The following UBE2K variants were observed in gnomAD, a reference collection of about 807,000 sequenced individuals.
The protein encoded by UBE2K is ubiquitin conjugating enzyme E2 K.
A neutral mutation model predicts 30.0 loss-of-function variants in UBE2K; 6 were observed. That is an observed-to-expected ratio of 0.20 (90% CI 0.11 to 0.39). The LOEUF is 0.39. UBE2K is among the 10% of genes least tolerant of loss of function. The pLI, the probability that UBE2K is intolerant of heterozygous loss-of-function variation, is 1.00. For synonymous variants in UBE2K, 86 were observed against 83.7 expected, an observed-to-expected ratio of 1.03 and a Z score of -0.15; for missense variants, 61 against 241.6, an observed-to-expected ratio of 0.25 and a Z score of 4.96.
intron 3 of UBE2K, among the ~76,000 whole-genome samples, chr4:39,750,287 C>G (rs1432217169): frequency 1.3e-5 from 2 of 152,190 alleles, no homozygotes; most frequent in Non-Finnish European, 2.9e-5. Context: ...GAACTCACAT[C>G]TACAATGAAG....
At chr4:39,745,431 A>C (rs1455521352) in intron 2 of UBE2K, among the ~76,000 whole-genome samples, 14 of 152,086 alleles carry the variant, frequency 9.2e-5, no homozygotes, top group African/African-American at 3.4e-4. Flanking sequence ...GGATTAGAGG[A>C]CACAGTGGAG....
chr4:39,762,476 C>A (rs1044706609), intron 4 of UBE2K, among the ~76,000 whole-genome samples: 1 of 152,172 alleles, frequency 6.6e-6, no homozygotes, highest in African/African-American at 2.4e-5. Context: ...GCTTCTGATT[C>A]TTCAGGCTGT....
At chr4:39,722,474 T>C (rs550444630) in intron 1 of UBE2K, among the ~76,000 whole-genome samples, 1 of 152,358 alleles carries the variant, frequency 6.6e-6, no homozygotes, top group African/African-American at 2.4e-5. Flanking sequence ...GTACATTTTA[T>C]GCTCTTTGCA....
intron 4 of UBE2K, chr4:39,770,232 G>T: frequency 6.2e-7 from 1 of 1,611,798 alleles, no homozygotes; most frequent in Non-Finnish European, 8.5e-7. Context: ...CTGCGCTCCC[G>T]AGTGCAGGTT....
At chr4:39,742,308 C>T (rs1225177672) in intron 2 of UBE2K, among the ~76,000 whole-genome samples, 1 of 151,982 alleles carries the variant, frequency 6.6e-6, no homozygotes, top group Admixed American at 6.6e-5. Context: ...CACAAAATTT[C>T]TTCAGGTACC....
At chr4:39,736,999 C>A (rs1463763184) in intron 1 of UBE2K, among the ~76,000 whole-genome samples, 1 of 152,036 alleles carries the variant, frequency 6.6e-6, no homozygotes, top group African/African-American at 2.4e-5. Flanking sequence ...CTTTTAATGA[C>A]CCTGAATTTT....
At chr4:39,711,760 G>A (rs1290501712) in intron 1 of UBE2K, among the ~76,000 whole-genome samples, 4 of 151,752 alleles carry the variant, frequency 2.6e-5, no homozygotes, top group African/African-American at 9.7e-5. Context: ...AGTTCTGCCC[G>A]GGAGAGGTGG....
intron 1 of UBE2K, among the ~76,000 whole-genome samples, chr4:39,701,195 G>A (rs1717989897): frequency 6.6e-6 from 1 of 152,106 alleles, no homozygotes. Flanking sequence ...TTAAATATGA[G>A]TGTGAATTTT....
intron 1 of UBE2K, among the ~76,000 whole-genome samples, chr4:39,731,362 C>A (rs1366582173): frequency 6.6e-6 from 1 of 152,098 alleles, no homozygotes. Flanking sequence ...GTTTTCATGT[C>A]ACTTCTGCTT....
chr4:39,774,078 C>T (rs1246560297), intron 4 of UBE2K, among the ~76,000 whole-genome samples: 2 of 152,142 alleles, frequency 1.3e-5, no homozygotes, highest in Non-Finnish European at 2.9e-5. Context: ...GGATGGATCA[C>T]CTGAGCTCAG....
At chr4:39,733,413 A>G (rs1314934354) in intron 1 of UBE2K, among the ~76,000 whole-genome samples, 2 of 148,058 alleles carry the variant, frequency 1.4e-5, no homozygotes, top group East Asian at 4.0e-4. Flanking sequence ...GCTCACTGCA[A>G]CCTCCACCTC....
intron 4 of UBE2K, among the ~76,000 whole-genome samples, 175 bp from the exon 5 acceptor site, chr4:39,774,659 G>A (rs1375473194): frequency 1.3e-5 from 2 of 151,936 alleles, no homozygotes; most frequent in Non-Finnish European, 2.9e-5. Flanking sequence ...AAGTAAGGAA[G>A]AAAATATATG....
At chr4:39,747,619 T>G (rs1320576928) in intron 3 of UBE2K, among the ~76,000 whole-genome samples, 1 of 152,148 alleles carries the variant, frequency 6.6e-6, no homozygotes, top group African/African-American at 2.4e-5. Context: ...TTTGTTTGTT[T>G]GTTTTTTGTT....
Position 39,698,269 on chromosome 4 carries a change from G to T in UBE2K, c.-59G>T, listed in dbSNP as rs1008698352. 1.3e-5 allele frequency: 20 copies of T among 1,544,254 alleles called. No homozygotes were observed. Among genetic ancestry groups the T allele is most frequent in the Non-Finnish European group, 1.6e-5 (18 of 1,128,808 alleles). ...GGCGGTGGAGGAAGAGGTGGCGGCG[G>T]TGGCGGTGGTCGTAGCGGTGGCGGA... On this transcript the variant is annotated 5_prime_UTR_variant, in exon 1 of 7. Transcript: ENST00000261427.
chr4:39,730,584 A>G (rs1720015327), intron 1 of UBE2K, among the ~76,000 whole-genome samples: 1 of 151,924 alleles, frequency 6.6e-6, no homozygotes, highest in Admixed American at 6.6e-5. Flanking sequence ...CCTGGCCAAC[A>G]TGGTGAAACC....
At chr4:39,711,841 C>G (rs1383984974) in intron 1 of UBE2K, among the ~76,000 whole-genome samples, 2 of 151,548 alleles carry the variant, frequency 1.3e-5, no homozygotes, top group Non-Finnish European at 2.9e-5. Flanking sequence ...AGTTCCAGAC[C>G]AGCCTGAACA....
chr4:39,782,227 TAG>T lies in UBE2K; in HGVS notation c.*3794_*3795del. ...GTGGCACAGTTTGTCAGTTTGATTATAGGTGTGAGTGGATAGAAATCATTACA... is the reference window on the plus strand; with the variant it reads ...GTGGCACAGTTTGTCAGTTTGATTATGTGTGAGTGGATAGAAATCATTACA... On this transcript the variant is annotated 3_prime_UTR_variant, in exon 7 of 7. Transcript: ENST00000261427. The T allele has an allele frequency of 2.8e-6, 1 of 355,688 alleles. No homozygotes were observed. Among genetic ancestry groups the T allele is most frequent in the Non-Finnish European group, 5.0e-6 (1 of 198,906 alleles). The allele number at this position is 355,688 out of a possible 1,614,324, so 22.0% of individuals were successfully genotyped here.
chr4:39,736,662 A>T (rs559567280), intron 1 of UBE2K, among the ~76,000 whole-genome samples: 74 of 152,344 alleles, frequency 4.9e-4, no homozygotes, highest in African/African-American at 1.5e-3. Context: ...GGACTGTCAT[A>T]AGGTTAAGAG....
Position 39,724,594 on chromosome 4 carries a change from A to T in UBE2K, c.64-12826A>T, listed in dbSNP as rs895914131. Among the ~76,000 whole-genome samples the T allele has an allele frequency of 3.3e-5, 5 of 149,704 alleles. No individual in the cohort carries two copies. The South Asian group carries it at 1.0e-3, about 31-fold the overall frequency. ...AAACCCCGTCTCTGCAAAAAAAAAA[A>T]AAAAAAAAAAAAAAAATACAAAAAT... On this transcript the variant is annotated intron_variant, in intron 1 of 6. Transcript: ENST00000261427.
Sources: gnomAD v4.1 joint callset for allele counts (sites outside exome capture counted in the v4.1 genomes callset) on GRCh38, gnomAD v4.1.1 for gene constraint, MANE v1.5 for transcripts, NCBI Gene and HGNC (gene_info 2026-07-23, HGNC 2026-07-21) for gene names.